Variants in AFP observed in about 807,000 individuals in gnomAD.
AFP encodes the protein alpha-fetoprotein.
A neutral mutation model predicts 78.9 loss-of-function variants in AFP; 64 were observed. That is an observed-to-expected ratio of 0.81 (90% CI 0.66 to 1.00). The LOEUF is 1.00. Ranked by LOEUF, AFP falls within the 50% of genes least tolerant of loss-of-function variation. The probability of loss-of-function intolerance (pLI) is 0.00; values close to 1 mark genes in which losing one functional copy is unlikely to be tolerated. For synonymous variants in AFP, 254 were observed against 243.8 expected (o/e 1.04, Z -0.39); for missense variants, 689 against 703.8 (o/e 0.98, Z 0.24).
chr4:73,453,180 A>C (rs1388936885), intron 12 of AFP, among the ~76,000 whole-genome samples: 1 of 152,176 alleles, frequency 6.6e-6, no homozygotes, highest in Non-Finnish European at 1.5e-5. Context: ...CTTGTTTTGT[A>C]AATAGTCTTC....
chr4:73,448,207 G>T (rs1175202882), intron 8 of AFP, among the ~76,000 whole-genome samples: 1 of 152,104 alleles, frequency 6.6e-6, no homozygotes, highest in Non-Finnish European at 1.5e-5. Context: ...CATGTTTAGA[G>T]ACATTTGCAG....
rs756987151 is a variant in AFP, at chr4:73,453,867, CCAGGAA to C, written c.1762_1767del (p.Gln588_Glu589del). ...GCCTGTTGGAGAAATGCTGCCAAGG[CCAGGAA>C]CAGGAAGTCTGCTTTGCTGAAGAGG... On this transcript the variant is annotated inframe_deletion, in exon 13 of 15. Coordinates refer to ENST00000395792, the MANE Select transcript of AFP (RefSeq NM_001134.3). 1.9e-5 allele frequency: 31 copies of C among 1,613,696 alleles called. No homozygotes were observed. The highest frequency in any genetic ancestry group is 2.5e-5 in the Non-Finnish European group (29 of 1,179,740).
Position 73,440,616 on chromosome 4 carries a change from G to A in AFP, c.285G>A (p.Leu95=). 9 of 1,613,924 alleles carry A rather than the reference G, an allele frequency of 5.6e-6. No homozygotes were observed. Among genetic ancestry groups the A allele is most frequent in the Non-Finnish European group, 7.6e-6 (9 of 1,179,832 alleles). The change falls in exon 4 of 15, where the codon CTG becomes CTA. Residue 95 remains leucine, a synonymous_variant. Coordinates refer to ENST00000395792, the MANE Select transcript of AFP (RefSeq NM_001134.3). ...GCLENQLPAF[L]EELCHEKEIL... is the part of the protein sequence containing the mutation. ...ATTTCTTATAGCTACCTGCCTTTCT[G>A]GAAGAACTTTGCCATGAGAAAGAAA...
At chr4:73,437,670 A>G (rs935674287) in intron 2 of AFP, among the ~76,000 whole-genome samples, 2 of 152,082 alleles carry the variant, frequency 1.3e-5, no homozygotes, top group African/African-American at 4.8e-5. Context: ...AAAATTTCTA[A>G]CAAAGAATTT....
intron 12 of AFP, chr4:73,453,438 T>G (rs1720065546): frequency 3.4e-6 from 1 of 296,114 alleles, no homozygotes. Context: ...GGTCTTTGAG[T>G]GTAGATAAGA....
intron 8 of AFP, 34 bp downstream of exon 8, chr4:73,447,710 T>C: frequency 6.6e-7 from 1 of 1,520,620 alleles, no homozygotes; most frequent in Non-Finnish European, 9.1e-7. Flanking sequence ...TTCATGCAAG[T>C]AAAAATGATT....
chr4:73,439,654 C>A (rs1449507048), intron 3 of AFP, among the ~76,000 whole-genome samples: 1 of 152,120 alleles, frequency 6.6e-6, no homozygotes, highest in Admixed American at 6.5e-5. Context: ...CCCTCAGATA[C>A]ATGAAACACA....
chr4:73,443,269 T>C (rs1719722070), intron 5 of AFP, 78 bp from the exon 6 acceptor site: 1 of 1,092,558 alleles, frequency 9.2e-7, no homozygotes, highest in Admixed American at 1.8e-5. Context: ...CCTATACTTG[T>C]TGTTTTTCTA....
intron 9 of AFP, among the ~76,000 whole-genome samples, chr4:73,449,743 C>T (rs927033771): frequency 1.3e-5 from 2 of 152,120 alleles, no homozygotes; most frequent in African/African-American, 4.8e-5. Context: ...AGGTAGTATT[C>T]ATTATTCATT....
chr4:73,447,385 T>G, intron 7 of AFP, 77 bp from the exon 8 acceptor site: 1 of 1,144,566 alleles, frequency 8.7e-7, no homozygotes, highest in Non-Finnish European at 1.2e-6. Context: ...CCTTTCTTCC[T>G]TTTTCTAAAG....
chr4:73,441,429 G>C (rs188665761), intron 4 of AFP, among the ~76,000 whole-genome samples: 85 of 151,520 alleles, frequency 5.6e-4, no homozygotes, highest in African/African-American at 1.9e-3. Context: ...TTAGCCGGGC[G>C]TGATGGTGGG....
At chr4:73,441,462 G>A (rs1409325384) in intron 4 of AFP, among the ~76,000 whole-genome samples, 1 of 150,768 alleles carries the variant, frequency 6.6e-6, no homozygotes, top group Admixed American at 6.6e-5. Flanking sequence ...CAGCTACTCG[G>A]GAGGCTGAGG....
chr4:73,436,746 A>G (rs961332760), intron 1 of AFP, among the ~76,000 whole-genome samples: 1 of 151,864 alleles, frequency 6.6e-6, no homozygotes, highest in Admixed American at 6.6e-5. Flanking sequence ...CTTTGTTTTT[A>G]ATACAGAAAA....
chr4:73,445,146 TAGA>T (rs759634221), intron 7 of AFP, 24 bp downstream of exon 7: 18 of 1,612,916 alleles, frequency 1.1e-5, no homozygotes, highest in Middle Eastern at 1.6e-4. Context: ...CTTCTTAAAA[TAGA>T]AGATTTTCAC....
In AFP at chr4:73,444,986, T is replaced by C. The variant is rs780537793; in HGVS notation, c.714-7T>C. ...AAATTAATTTCTAATTTCTTTTTTT[T>C]CCCTAGAACTGTTACTAAACTGAGT... On this transcript the variant is annotated splice_region_variant and splice_polypyrimidine_tract_variant and intron_variant, in intron 6 of 14. Coordinates refer to ENST00000395792, the MANE Select transcript of AFP (RefSeq NM_001134.3). 6 of 1,601,286 alleles carry C rather than the reference T, an allele frequency of 3.7e-6. No individual in the cohort carries two copies. The highest frequency in any genetic ancestry group is 4.5e-5 in the East Asian group (2 of 44,754).
rs1719536624 is a variant in AFP at position 73,437,309 on chromosome 4, A to G, written c.137+98A>G. The G allele has an allele frequency of 1.7e-5, 16 of 952,562 alleles. No individual in the cohort carries two copies. In the South Asian group the frequency reaches 2.2e-4, roughly 13 times the overall value. 59.0% of individuals were successfully genotyped at this position (952,562 alleles called of 1,614,324 possible). A position where few individuals can be genotyped will look rare whatever the true frequency, so the allele number is the denominator to read the frequency against. ...TACCCCTGTGAGCTCTTAAAAGCAC[A>G]AAAGCAATTTGGACAATTTCAAGAA... On this transcript the variant is annotated intron_variant, in intron 2 of 14. Transcript: ENST00000395792.
At chr4:73,455,584 A>G (rs957810282) in intron 14 of AFP, 47 bp from the exon 15 acceptor site, 1 of 678,140 alleles carries the variant, frequency 1.5e-6, no homozygotes, top group Non-Finnish European at 2.6e-6. Context: ...TACTTACTGC[A>G]CCTATTAGTT....
intron 10 of AFP, 83 bp downstream of exon 10, chr4:73,450,216 A>G: frequency 8.7e-7 from 1 of 1,150,162 alleles, no homozygotes; most frequent in East Asian, 2.6e-5. Flanking sequence ...CTTTGGAAGC[A>G]ACAAGAATGA....
At chr4:73,445,201 T>A in intron 7 of AFP, 79 bp downstream of exon 7, 1 of 1,555,680 alleles carries the variant, frequency 6.4e-7, no homozygotes, top group Non-Finnish European at 8.8e-7. Flanking sequence ...AGGGAGAAGG[T>A]TGTTTGACTT....
Sources: gnomAD v4.1 joint callset for allele counts (sites outside exome capture counted in the v4.1 genomes callset) on GRCh38, gnomAD v4.1.1 for gene constraint, MANE v1.5 for transcripts, NCBI Gene and HGNC (gene_info 2026-07-23, HGNC 2026-07-21) for gene names.